The following SHROOM4 variants were observed in gnomAD, a reference collection of about 807,000 sequenced individuals.
The protein encoded by SHROOM4 is shroom family member 4, also known as protein Shroom4.
SHROOM4 carries 17 observed loss-of-function variants against 80.3 expected under a neutral mutation model. The ratio of observed to expected loss-of-function variants is 0.21; its 90% CI spans 0.14 to 0.32. The LOEUF is 0.32. Ranked by LOEUF, SHROOM4 falls within the 10% of genes least tolerant of loss-of-function variation. The pLI, the probability that SHROOM4 is intolerant of heterozygous loss-of-function variation, is 1.00. For missense variants in SHROOM4, 993 were observed against 1,140.3 expected (o/e 0.87, Z 1.86); for synonymous variants, 400 against 437.5 (o/e 0.91, Z 1.07).
intron 1 of SHROOM4, among the ~76,000 whole-genome samples, chrX:50,734,718 G>A (rs1044987410): frequency 1.3e-4 from 14 of 111,408 alleles, no homozygotes; most frequent in African/African-American, 4.6e-4. Context: ...CCCGGCCCCA[G>A]TCTCATCTTG....
intron 1 of SHROOM4, among the ~76,000 whole-genome samples, chrX:50,736,654 C>A (rs1934499862): frequency 8.9e-6 from 1 of 112,169 alleles, no homozygotes; most frequent in African/African-American, 3.2e-5. Flanking sequence ...CGCTGATGGG[C>A]ATTTAGGTTG....
chrX:50,604,129 G>T (rs1411532860), intron 6 of SHROOM4, among the ~76,000 whole-genome samples: 2 of 111,803 alleles, frequency 1.8e-5, no homozygotes, highest in African/African-American at 3.3e-5. Context: ...ACAAAAGAAA[G>T]TTGGGCCCGC....
chrX:50,707,906 A>T (rs1283847458), intron 1 of SHROOM4, among the ~76,000 whole-genome samples: 1 of 111,494 alleles, frequency 9.0e-6, no homozygotes, highest in Non-Finnish European at 1.9e-5. Context: ...GTGCCATCAG[A>T]TATATCCAAT....
At chrX:50,741,852 T>A (rs1934667232) in intron 1 of SHROOM4, among the ~76,000 whole-genome samples, 1 of 111,247 alleles carries the variant, frequency 9.0e-6, no homozygotes, top group South Asian at 3.8e-4. Flanking sequence ...GAAATGATCA[T>A]GTTTTTGCCT....
At chrX:50,676,983 A>G (rs1468145165) in intron 2 of SHROOM4, among the ~76,000 whole-genome samples, 1 of 111,947 alleles carries the variant, frequency 8.9e-6, no homozygotes, top group Admixed American at 9.5e-5. Context: ...TAGTGGCATC[A>G]CTTCCTTAAT....
At position 50,813,956 on chromosome X, in the gene SHROOM4, C is replaced by T. The variant is rs1557273768; in HGVS notation, c.63G>A (p.Trp21Ter). Residue 21 changes from tryptophan (W) to a stop codon, truncating the protein, a stop_gained, in exon 1 of 9, where the codon TGG (tryptophan) becomes TGA (stop). Transcript: ENST00000376020. LOFTEE classifies it high-confidence loss of function. The part of the protein sequence containing the change: ...VPVQLQGGAP[W>*]GFTLKGGLEH... ...CCAGACCCCCCTTAAGGGTGAAGCCCCAGGGTGCCCCCCCTTGCAGCTGCA... is the reference window on the plus strand; with the variant it reads ...CCAGACCCCCCTTAAGGGTGAAGCCTCAGGGTGCCCCCCCTTGCAGCTGCA... The T allele has an allele frequency of 8.3e-7, 1 of 1,208,525 alleles. No individual in the cohort carries two copies. The highest frequency in any genetic ancestry group is 1.1e-6 in the Non-Finnish European group (1 of 893,799).
chrX:50,781,460 A>T (rs1162865905), intron 1 of SHROOM4, among the ~76,000 whole-genome samples: 3 of 111,308 alleles, frequency 2.7e-5, no homozygotes, highest in African/African-American at 9.8e-5. Context: ...ACTTACGCAT[A>T]TATGCTGAGA....
At chrX:50,756,106 C>T (rs782385283) in intron 1 of SHROOM4, among the ~76,000 whole-genome samples, 88 of 111,600 alleles carry the variant, frequency 7.9e-4, no homozygotes, top group African/African-American at 2.8e-3. Context: ...TAGAATATGT[C>T]CATTATCCTA....
At chrX:50,718,823 T>G (rs1401527737) in intron 1 of SHROOM4, among the ~76,000 whole-genome samples, 1 of 111,483 alleles carries the variant, frequency 9.0e-6, no homozygotes, top group Non-Finnish European at 1.9e-5. Context: ...ATCTCCTTGG[T>G]TCCTAAGAAT....
At chrX:50,633,157 A>T in intron 4 of SHROOM4, 21 bp downstream of exon 4, 1 of 1,197,352 alleles carries the variant, frequency 8.4e-7, no homozygotes, top group Non-Finnish European at 1.1e-6. Flanking sequence ...AAGGTTACCC[A>T]CCCAAGAACC....
At chrX:50,744,882 C>T (rs1934743248) in intron 1 of SHROOM4, among the ~76,000 whole-genome samples, 1 of 111,601 alleles carries the variant, frequency 9.0e-6, no homozygotes, top group Admixed American at 9.5e-5. Context: ...TCTTGTTTTA[C>T]TTTTAAGTCT....
intron 1 of SHROOM4, among the ~76,000 whole-genome samples, chrX:50,734,752 T>C (rs1934445451): frequency 1.8e-5 from 2 of 111,027 alleles, no homozygotes; most frequent in African/African-American, 6.6e-5. Flanking sequence ...ATAATTCCCA[T>C]GTGTTGTGGG....
chrX:50,650,460 C>T (rs1260959165), intron 2 of SHROOM4, among the ~76,000 whole-genome samples: 10 of 111,228 alleles, frequency 9.0e-5, no homozygotes, highest in Admixed American at 1.9e-4. Flanking sequence ...AAGAGATGGC[C>T]CTGCCTCAGC....
At chrX:50,651,057 A>G (rs1183967140) in intron 2 of SHROOM4, among the ~76,000 whole-genome samples, 2 of 111,678 alleles carry the variant, frequency 1.8e-5, no homozygotes, top group Admixed American at 1.9e-4. Context: ...AGTCAAGGTC[A>G]GTATCAAGGC....
At chrX:50,725,432 T>C (rs782506201) in intron 1 of SHROOM4, among the ~76,000 whole-genome samples, 1 of 111,278 alleles carries the variant, frequency 9.0e-6, no homozygotes, top group South Asian at 3.8e-4. Flanking sequence ...AAGCAGAGAG[T>C]ATCAGGGCCA....
chrX:50,612,386 A>G (rs1289472245), intron 5 of SHROOM4, among the ~76,000 whole-genome samples: 1 of 111,798 alleles, frequency 8.9e-6, no homozygotes, highest in Non-Finnish European at 1.9e-5. Context: ...TTACCATAGG[A>G]AAAAAAAGTA....
intron 2 of SHROOM4, among the ~76,000 whole-genome samples, chrX:50,676,972 A>G (rs1037122577): frequency 1.8e-5 from 2 of 112,039 alleles, no homozygotes; most frequent in African/African-American, 6.5e-5. Context: ...TTTTACATAC[A>G]TAGTGGCATC....
intron 1 of SHROOM4, 143 bp downstream of exon 1, chrX:50,813,759 A>AC (rs781875892): frequency 2.5e-5 from 12 of 471,116 alleles, no homozygotes; most frequent in Non-Finnish European, 3.0e-5. Context: ...TGGTGGCAAG[A>AC]CCCCTCCGTG....
At chrX:50,757,066 T>C (rs12012885) in intron 1 of SHROOM4, among the ~76,000 whole-genome samples, 6,834 of 111,521 alleles carry the variant, frequency 0.061, 552 homozygotes, top group African/African-American at 0.21. Context: ...TTTGTGTAAC[T>C]CAAGATCACA....
Sources: allele counts gnomAD v4.1 joint callset (sites outside exome capture counted in the v4.1 genomes callset), GRCh38; gene constraint gnomAD v4.1.1; transcripts MANE v1.5; gene names NCBI Gene and HGNC (gene_info 2026-07-23, HGNC 2026-07-21).